The following TSPAN18 variants were observed in gnomAD, a reference collection of about 807,000 sequenced individuals.
TSPAN18 encodes tetraspanin 18.
In TSPAN18, 14 loss-of-function variants were observed where a neutral mutation model predicts 27.3. The ratio of observed to expected loss-of-function variants is 0.51; its 90% CI spans 0.34 to 0.80. TSPAN18 has a LOEUF of 0.80. TSPAN18 is among the 30% of genes least tolerant of loss of function. TSPAN18 has a pLI of 0.01. For missense variants in TSPAN18, 268 were observed against 323.9 expected, an observed-to-expected ratio of 0.83 and a Z score of 1.32; for synonymous variants, 143 against 136.5, an observed-to-expected ratio of 1.05 and a Z score of -0.33.
At chr11:44,926,811 C>A (rs1860376865) in intron 9 of TSPAN18, 54 bp downstream of exon 9, 2 of 1,579,954 alleles carry the variant, frequency 1.3e-6, no homozygotes, top group Non-Finnish European at 1.7e-6. Flanking sequence ...TCACGTGGAG[C>A]CTAGGCAGAT....
chr11:44,791,809 T>C (rs1856231125), intron 2 of TSPAN18, among the ~76,000 whole-genome samples: 1 of 152,204 alleles, frequency 6.6e-6, no homozygotes. Flanking sequence ...CAAGGCACCC[T>C]CACTTCTTGG....
At chr11:44,871,443 A>G (rs1858193052) in intron 3 of TSPAN18, among the ~76,000 whole-genome samples, 3 of 152,148 alleles carry the variant, frequency 2.0e-5, no homozygotes, top group African/African-American at 7.2e-5. Flanking sequence ...TGAGGGTTTC[A>G]ATATATGAAT....
At chr11:44,800,006 GT>G (rs60067559) in intron 2 of TSPAN18, among the ~76,000 whole-genome samples, 63,856 of 109,644 alleles carry the variant, frequency 0.58, 15,942 homozygotes, top group East Asian at 0.83. Context: ...AATTTTTTGT[GT>G]TTTTTTTTTT....
chr11:44,775,561 G>A (rs1185611481), intron 2 of TSPAN18, among the ~76,000 whole-genome samples: 2 of 152,094 alleles, frequency 1.3e-5, no homozygotes, highest in Non-Finnish European at 2.9e-5. Context: ...GGGAGCCTCC[G>A]GTGACTGCAA....
intron 2 of TSPAN18, among the ~76,000 whole-genome samples, chr11:44,786,885 GCCTCCC>G (rs1348444045): frequency 1.3e-5 from 2 of 152,034 alleles, no homozygotes; most frequent in African/African-American, 2.4e-5. Context: ...GCCCACCTCG[GCCTCCC>G]AAAGTGCTAG....
intron 9 of TSPAN18, among the ~76,000 whole-genome samples, chr11:44,927,439 G>T (rs1860405122): frequency 6.6e-6 from 1 of 152,218 alleles, no homozygotes; most frequent in Non-Finnish European, 1.5e-5. Context: ...TCCTCGGCCT[G>T]CGGGGGAAGG....
intron 2 of TSPAN18, among the ~76,000 whole-genome samples, chr11:44,815,537 G>C (rs1463478366): frequency 6.6e-6 from 1 of 152,178 alleles, no homozygotes; most frequent in African/African-American, 2.4e-5. Flanking sequence ...GGTCTGGGGA[G>C]TTGAGGGCTG....
At chr11:44,797,190 C>T (rs1856369289) in intron 2 of TSPAN18, among the ~76,000 whole-genome samples, 1 of 152,174 alleles carries the variant, frequency 6.6e-6, no homozygotes, top group African/African-American at 2.4e-5. Flanking sequence ...TTCTCACAAC[C>T]CAGGAGGCAG....
chr11:44,883,770 G>A (rs1858559491), intron 3 of TSPAN18, among the ~76,000 whole-genome samples: 1 of 152,204 alleles, frequency 6.6e-6, no homozygotes, highest in Non-Finnish European at 1.5e-5. Context: ...TTTGGGACTT[G>A]GACACCTCTG....
intron 2 of TSPAN18, among the ~76,000 whole-genome samples, chr11:44,833,165 A>C (rs994553051): frequency 6.6e-6 from 1 of 151,706 alleles, no homozygotes; most frequent in Non-Finnish European, 1.5e-5. Flanking sequence ...TCCTGGACAC[A>C]ATGGACAGGG....
chr11:44,882,039 C>G (rs1858502423), intron 3 of TSPAN18, among the ~76,000 whole-genome samples: 1 of 152,162 alleles, frequency 6.6e-6, no homozygotes, highest in Non-Finnish European at 1.5e-5. Context: ...TTCTTAGGCT[C>G]TCTCTGACCC....
At chr11:44,858,968 T>TC (rs1857807257) in intron 2 of TSPAN18, among the ~76,000 whole-genome samples, 2 of 151,154 alleles carry the variant, frequency 1.3e-5, no homozygotes, top group South Asian at 2.2e-4. Flanking sequence ...GAATGCACCC[T>TC]CCCCCCGCTC....
At chr11:44,872,699 T>G (rs1858228317) in intron 3 of TSPAN18, among the ~76,000 whole-genome samples, 1 of 152,226 alleles carries the variant, frequency 6.6e-6, no homozygotes, top group Admixed American at 6.5e-5. Context: ...CCTTATGAGA[T>G]CTATACTCTT....
At chr11:44,903,695 T>C (rs770482085) in intron 3 of TSPAN18, 2 of 455,338 alleles carry the variant, frequency 4.4e-6, no homozygotes, top group South Asian at 3.1e-5. Context: ...CGATTTTACC[T>C]CCAAAGGCAG....
chr11:44,774,126 C>A (rs1855751424), intron 2 of TSPAN18, among the ~76,000 whole-genome samples: 1 of 152,206 alleles, frequency 6.6e-6, no homozygotes, highest in Non-Finnish European at 1.5e-5. Context: ...TCTGCCGAGA[C>A]TCCCCAGAGA....
chr11:44,734,450 A>T (rs901751615), intron 1 of TSPAN18, among the ~76,000 whole-genome samples: 12 of 152,212 alleles, frequency 7.9e-5, no homozygotes, highest in African/African-American at 2.9e-4. Context: ...GAAAGCTAAA[A>T]AGCGAGTCAA....
intron 3 of TSPAN18, among the ~76,000 whole-genome samples, chr11:44,882,910 G>A (rs769080272): frequency 1.8e-4 from 27 of 152,192 alleles, no homozygotes; most frequent in Non-Finnish European, 7.3e-5. Context: ...ATTTGAGCCT[G>A]GCTTGAAGCC....
chr11:44,765,934 G>A (rs1855558505), intron 2 of TSPAN18, among the ~76,000 whole-genome samples: 1 of 152,102 alleles, frequency 6.6e-6, no homozygotes, highest in South Asian at 2.1e-4. Context: ...GGTTGCTTTG[G>A]GGAAGACGAG....
intron 5 of TSPAN18, among the ~76,000 whole-genome samples, chr11:44,914,961 C>G (rs1268700458): frequency 6.6e-6 from 1 of 152,238 alleles, no homozygotes; most frequent in Non-Finnish European, 1.5e-5. Context: ...GCGAGAAGCA[C>G]CGCACCTGCA....
Sources: gnomAD v4.1 joint callset for allele counts (sites outside exome capture counted in the v4.1 genomes callset) on GRCh38, gnomAD v4.1.1 for gene constraint, MANE v1.5 for transcripts, NCBI Gene and HGNC (gene_info 2026-07-23, HGNC 2026-07-21) for gene names.